ATRN: variants seen among roughly 807,000 people sequenced by gnomAD.
ATRN encodes the protein attractin-2.
A neutral mutation model predicts 178.7 loss-of-function variants in ATRN; 54 were observed. The observed-to-expected ratio is 0.30, with a 90% CI of 0.24 to 0.38. ATRN has a LOEUF of 0.38. Among genes scored for constraint, ATRN ranks in the 10% least tolerant of loss-of-function variants. The pLI is 1.00. For missense variants in ATRN, 1,443 were observed against 1,815.1 expected (o/e 0.79, Z 3.73); for synonymous variants, 636 against 663.0 (o/e 0.96, Z 0.63).
chr20:3,571,590 G>A lies in ATRN; in HGVS notation c.1872-1141G>A, dbSNP rs11907872. On this transcript the variant is annotated intron_variant, in intron 11 of 28. Transcript: ENST00000262919. ...TTTTTTTTTTTTGCTAGTCTTATAG[G>A]TGAGAAATGCTACCTCAGTATAGTT... 4.6e-3 allele frequency among the ~76,000 whole-genome samples: 692 copies of A among 149,522 alleles called. 5 individuals are homozygous for A. The highest frequency in any genetic ancestry group is 0.016 in the African/African-American group (651 of 40,560).
At position 3,575,043 on chromosome 20, in the gene ATRN, C is replaced by T. The variant is rs144291473; in HGVS notation, c.2093-784C>T. The stretch of plus-strand genomic sequence containing the variant: ...CGCAATTTCAGCTCACTGCAACCTC[C>T]GCCTCCCAGGTCCTGATTCAAGCAG... On this transcript the variant is annotated intron_variant, in intron 12 of 28. Transcript: ENST00000262919. 8.6e-3 allele frequency among the ~76,000 whole-genome samples: 1,302 copies of T among 152,090 alleles called. 13 individuals carry two copies. The highest frequency in any genetic ancestry group is 0.012 in the Non-Finnish European group (841 of 67,966).
At chr20:3,496,377 A>G (rs575530441) in intron 1 of ATRN, among the ~76,000 whole-genome samples, 1,843 of 151,462 alleles carry the variant, frequency 0.012, 34 homozygotes, top group African/African-American at 0.043. Flanking sequence ...GTTTCAAAGA[A>G]CATCTTTATT....
chr20:3,578,703 T>A lies in ATRN; in HGVS notation c.2475T>A (p.Ser825=). 6.2e-7 allele frequency: 1 copy of A among 1,614,156 alleles called. No homozygotes were observed. The highest frequency in any genetic ancestry group is 8.5e-7 in the Non-Finnish European group (1 of 1,180,004). The change falls in exon 15 of 29, where the codon TCT becomes TCA. Residue 825 remains serine (S), a synonymous_variant. Transcript: ENST00000262919. The stretch of plus-strand genomic sequence containing the variant: ...GGAACCACAATGCCCTTTTGGCTTC[T>A]CTTACAACCCAGAAGAAGGTAGAAT... The part of the protein sequence containing the change: ...FCRNHNALLA[S]LTTQKKVEFV...
chr20:3,483,621 G>T (rs1301804269), intron 1 of ATRN, among the ~76,000 whole-genome samples: 7 of 152,130 alleles, frequency 4.6e-5, no homozygotes, highest in Non-Finnish European at 1.0e-4. Flanking sequence ...TGCTGGGATT[G>T]CAGGTGTGAG....
At position 3,471,316 on chromosome 20, in the gene ATRN, C is replaced by T. The variant is rs553213592; in HGVS notation, c.209C>T (p.Pro70Leu). Reference protein sequence around the residue: ...RLLLLLLLLSPPLLLLLLPCE... With the variant: ...RLLLLLLLLSLPLLLLLLPCE... ...CTGCTGCTGCTGTTGTTGCTCTCGC[C>T]GCCGCTGCTGCTGCTGCTGCTGCCC... is the stretch of plus-strand genomic sequence containing the variant. Residue 70 changes from proline to leucine, a missense_variant, in exon 1 of 29, where the codon CCG becomes CTG. This residue lies in a region of ATRN where 862 missense variants were observed against 972.1 expected (regional missense o/e 0.89). Transcript: ENST00000262919. 4.7e-6 allele frequency: 7 copies of T among 1,483,180 alleles called. No individual in the cohort carries two copies. The South Asian group carries it at 5.1e-5, about 11-fold the overall frequency. The allele number at this position is 1,483,180 out of a possible 1,614,324, so 91.9% of individuals were successfully genotyped here. A position where few individuals can be genotyped will look rare whatever the true frequency, so the allele number is the denominator to read the frequency against.
At chr20:3,490,586 A>G (rs2084776403) in intron 1 of ATRN, 3 of 1,056,614 alleles carry the variant, frequency 2.8e-6, no homozygotes, top group Non-Finnish European at 4.5e-6. Context: ...TTGAGGTAAC[A>G]GTCACGGAGA....
In ATRN at chr20:3,604,243, C is replaced by T. The variant is rs1323931373; in HGVS notation, c.3782C>T (p.Thr1261Ile). The T allele has an allele frequency of 6.2e-7, 1 of 1,601,536 alleles. No individual in the cohort carries two copies. The highest frequency in any genetic ancestry group is 1.4e-5 in the African/African-American group (1 of 73,990). ...ITFFVYVSNF[T>I]WPIKIQIAFS... Reference sequence around the variant, plus strand: ...TTCTTTGTTTATGTCAGTAATTTCACCTGGCCCATCAAAATTCAGGTAAGA... The same window carrying T: ...TTCTTTGTTTATGTCAGTAATTTCATCTGGCCCATCAAAATTCAGGTAAGA... The change falls in exon 24 of 29, where the codon ACC becomes ATC. Residue 1261 changes from threonine (T) to isoleucine (I), a missense_variant. By Grantham distance (89) the Thr-to-Ile change is moderately conservative (BLOSUM62 -1). Transcript: ENST00000262919.
At chr20:3,634,517 T>C in intron 26 of ATRN, 128 bp downstream of exon 26, 2 of 754,576 alleles carry the variant, frequency 2.7e-6, no homozygotes. Flanking sequence ...GAAGGAATAA[T>C]GCAGCCCTTT....
At chr20:3,503,961 G>T (rs1246171013) in intron 1 of ATRN, among the ~76,000 whole-genome samples, 1 of 152,156 alleles carries the variant, frequency 6.6e-6, no homozygotes, top group Non-Finnish European at 1.5e-5. Flanking sequence ...AAAGCAGCCA[G>T]AGAGAAATGA....
At chr20:3,575,018 C>T (rs925375982) in intron 12 of ATRN, among the ~76,000 whole-genome samples, 5 of 150,996 alleles carry the variant, frequency 3.3e-5, no homozygotes, top group African/African-American at 1.2e-4. Flanking sequence ...AGTGCAGTGG[C>T]GCAATTTCAG....
rs2308146 is a variant in ATRN, at chr20:3,647,280, T to TAACTC, written c.*433_*434insAACTC. On this transcript the variant is annotated 3_prime_UTR_variant, in exon 29 of 29. Transcript: ENST00000262919. ...TCTTTTAAAAACTAGTCAGATGAAT[T>TAACTC]GTTTTCATCTGAAGCCTGCTATCTT... The TAACTC allele has an allele frequency of 6.5e-6, 1 of 153,346 alleles. No individual in the cohort carries two copies. The highest frequency in any genetic ancestry group is 1.5e-5 in the Non-Finnish European group (1 of 68,900). 9.5% of individuals were successfully genotyped at this position (153,346 alleles called of 1,614,324 possible).
At chr20:3,578,262 T>G (rs967446817) in intron 14 of ATRN, among the ~76,000 whole-genome samples, 9 of 152,214 alleles carry the variant, frequency 5.9e-5, no homozygotes, top group African/African-American at 2.2e-4. Flanking sequence ...TCACTTAGGA[T>G]TTTAGTTTTC....
At chr20:3,575,010 T>G (rs1365719784) in intron 12 of ATRN, among the ~76,000 whole-genome samples, 2 of 150,970 alleles carry the variant, frequency 1.3e-5, no homozygotes, top group Non-Finnish European at 2.9e-5. Flanking sequence ...CAGGCTGGAG[T>G]GCAGTGGCGC....
At position 3,648,988 on chromosome 20, in the gene ATRN, A is replaced by G. The variant is rs1181275831; in HGVS notation, c.*2141A>G. 6.6e-6 allele frequency: 1 copy of G among 152,218 alleles called. No individual in the cohort carries two copies. Among genetic ancestry groups the G allele is most frequent in the Non-Finnish European group, 1.5e-5 (1 of 68,046 alleles). The allele number at this position is 152,218 out of a possible 1,614,324, so 9.4% of individuals were successfully genotyped here. On this transcript the variant is annotated 3_prime_UTR_variant, in exon 29 of 29. Transcript: ENST00000262919. ...CTTGAAATATCATGCACCATGACCC[A>G]CAGCCATCTGGTTATGTCTTATTTT...
chr20:3,559,888 A>G (rs1217275451), intron 7 of ATRN, among the ~76,000 whole-genome samples: 2 of 152,180 alleles, frequency 1.3e-5, no homozygotes, highest in East Asian at 3.8e-4. Flanking sequence ...ATACTATAAA[A>G]GATTCATGTG....
chr20:3,639,343 C>G (rs1357354219), intron 27 of ATRN, among the ~76,000 whole-genome samples: 1 of 152,116 alleles, frequency 6.6e-6, no homozygotes, highest in Non-Finnish European at 1.5e-5. Flanking sequence ...CAATCTACCT[C>G]CCGGGTTCAA....
intron 11 of ATRN, among the ~76,000 whole-genome samples, chr20:3,566,570 G>A (rs2086038919): frequency 6.6e-6 from 1 of 152,008 alleles, no homozygotes; most frequent in South Asian, 2.1e-4. Flanking sequence ...AATTTCTGTT[G>A]TAACGATGGA....
chr20:3,555,371 C>T (rs1364616262), intron 6 of ATRN, among the ~76,000 whole-genome samples: 9 of 151,786 alleles, frequency 5.9e-5, no homozygotes, highest in Admixed American at 5.9e-4. Flanking sequence ...GGTGATAGCC[C>T]AAAATCTGGA....
intron 1 of ATRN, among the ~76,000 whole-genome samples, chr20:3,518,015 C>G (rs1193465273): frequency 1.3e-5 from 2 of 152,202 alleles, no homozygotes; most frequent in Admixed American, 1.3e-4. Context: ...CTGAGTTCTC[C>G]TCTACCATCT....
Sources: allele counts gnomAD v4.1 joint callset (sites outside exome capture counted in the v4.1 genomes callset), GRCh38; gene constraint gnomAD v4.1.1; regional missense constraint gnomAD v4.1.1; transcripts MANE v1.5; gene names NCBI Gene and HGNC (gene_info 2026-07-23, HGNC 2026-07-21).